KLK8: variants seen among roughly 807,000 people sequenced by gnomAD.
The protein encoded by KLK8 is kallikrein-8.
KLK8 carries 18 observed loss-of-function variants against 26.7 expected under a neutral mutation model. That is an observed-to-expected ratio of 0.67 (90% CI 0.47 to 1.00). KLK8 has a LOEUF of 1.00. KLK8 is among the 50% of genes least tolerant of loss of function. KLK8 has a pLI of 0.00. For missense variants in KLK8, 301 were observed against 331.7 expected, an observed-to-expected ratio of 0.91 and a Z score of 0.72; for synonymous variants, 137 against 127.1, an observed-to-expected ratio of 1.08 and a Z score of -0.52.
At chr19:51,001,106 G>T in exon 3 of KLK8, 1 of 1,612,146 alleles carries the variant, frequency 6.2e-7, no homozygotes. Context: ...ACCTGCCCAG[G>T]CTCCCCCCAG....
chr19:51,001,167 T>C, exon 3 of KLK8: 4 of 1,612,306 alleles, frequency 2.5e-6, no homozygotes, highest in Non-Finnish European at 3.4e-6. Context: ...GGGCGTCCCA[T>C]GGTGAGGTCT....
intron 6 of KLK8, among the ~76,000 whole-genome samples, chr19:50,996,559 C>G (rs2091169362): frequency 1.3e-5 from 2 of 151,866 alleles, no homozygotes; most frequent in Non-Finnish European, 2.9e-5. Context: ...ATGGTGAATC[C>G]CTGTCTCTAC....
chr19:51,000,030 G>A (rs753563073), exon 5 of KLK8: 6 of 1,607,770 alleles, frequency 3.7e-6, no homozygotes, highest in Non-Finnish European at 4.3e-6. Flanking sequence ...AGCCTGAGAC[G>A]GTGCACTTCT....
chr19:51,000,132 A>G (rs2122331448), exon 5 of KLK8: 1 of 1,614,054 alleles, frequency 6.2e-7, no homozygotes, highest in Non-Finnish European at 8.5e-7. Context: ...GCATCAGATC[A>G]TGGTTGTGGT....
intron 6 of KLK8, among the ~76,000 whole-genome samples, chr19:50,996,723 C>A (rs1244467660): frequency 1.7e-5 from 2 of 115,050 alleles, no homozygotes; most frequent in Non-Finnish European, 3.5e-5. Context: ...CAGAGCGAGA[C>A]CCTGTCTCAA....
intron 6 of KLK8, among the ~76,000 whole-genome samples, chr19:50,996,907 C>T (rs2091174658): frequency 6.7e-6 from 1 of 150,196 alleles, no homozygotes. Context: ...CACACACACA[C>T]ACACACACAC....
intron 4 of KLK8, 49 bp from the exon 4 acceptor site, chr19:51,000,307 G>A: frequency 3.2e-6 from 5 of 1,543,638 alleles, no homozygotes; most frequent in Non-Finnish European, 3.5e-6. Flanking sequence ...ATTGCCCCCA[G>A]CCCCCTCCTC....
intron 5 of KLK8, among the ~76,000 whole-genome samples, chr19:50,999,522 T>C (rs1247164017): frequency 7.3e-6 from 1 of 136,358 alleles, no homozygotes; most frequent in Non-Finnish European, 1.5e-5. Flanking sequence ...GAGATTGTAG[T>C]GAGCTGAGAT....
At chr19:50,997,693 T>A in intron 6 of KLK8, 58 bp downstream of exon 5, 9 of 1,598,904 alleles carry the variant, frequency 5.6e-6, no homozygotes, top group Non-Finnish European at 6.0e-6. Context: ...ATCCAAGCCT[T>A]GAACCTCGAG....
At chr19:51,000,866 C>G (rs2091217779) in intron 3 of KLK8, 1 of 881,744 alleles carries the variant, frequency 1.1e-6, no homozygotes, top group Non-Finnish European at 1.7e-6. Flanking sequence ...CCCCCAAAGG[C>G]TGTAGCTATT....
At chr19:50,999,668 G>GGCCTCT (rs2091202831) in intron 5 of KLK8, among the ~76,000 whole-genome samples, 2 of 142,934 alleles carry the variant, frequency 1.4e-5, no homozygotes, top group South Asian at 4.4e-4. Context: ...TGTTTTCCTG[G>GGCCTCT]GCCTCTGAGA....
chr19:51,000,373 C>A (rs774464929), intron 4 of KLK8, 51 bp downstream of exon 3: 1 of 1,556,966 alleles, frequency 6.4e-7, no homozygotes. Context: ...GAAACCCCAG[C>A]CCCCTCTTTC....
intron 6 of KLK8, among the ~76,000 whole-genome samples, chr19:50,996,929 CACACACA>C (rs779352646): frequency 0.06 from 8,979 of 149,890 alleles, 416 homozygotes; most frequent in African/African-American, 0.12. Flanking sequence ...CACACACACA[CACACACA>C]CACCATATCC....
chr19:51,000,042 GC>G lies in KLK8; in HGVS notation c.446del (p.Gly149AlafsTer28). On this transcript the variant is annotated frameshift_variant, in exon 5 of 7. Transcript: ENST00000600767. LOFTEE classifies it high-confidence loss of function. Reference sequence around the variant, plus strand: ...CCCAGCCTGAGACGGTGCACTTCTGGCCAGGCTGGGTGCAATGATCTGCCAG... The same window carrying G: ...CCCAGCCTGAGACGGTGCACTTCTGGCAGGCTGGGTGCAATGATCTGCCAG... 1 of 1,612,862 alleles carries G rather than the reference GC, an allele frequency of 6.2e-7. No homozygotes were observed. Among genetic ancestry groups the G allele is most frequent in the Non-Finnish European group, 8.5e-7 (1 of 1,179,038 alleles).
At chr19:50,996,936 A>ACACACACC (rs758809891) in intron 6 of KLK8, among the ~76,000 whole-genome samples, 3 of 59,258 alleles carry the variant, frequency 5.1e-5, no homozygotes, top group African/African-American at 1.6e-4. Context: ...ACACACACAC[A>ACACACACC]CACCATATCC....
chr19:50,996,079 T>A (rs1466020706), exon 7 of KLK8: 3 of 1,614,208 alleles, frequency 1.9e-6, no homozygotes, highest in Non-Finnish European at 2.5e-6. Flanking sequence ...CTGCCTATGA[T>A]CTTCTTGATC....
intron 2 of KLK8, 105 bp from the exon 2 acceptor site, chr19:51,001,280 C>A (rs2091223159): frequency 1.1e-6 from 1 of 896,154 alleles, no homozygotes; most frequent in South Asian, 1.5e-5. Flanking sequence ...TGGGGCTGTT[C>A]TGGGCTTCTC....
intron 5 of KLK8, 97 bp downstream of exon 4, chr19:50,999,899 T>C: frequency 2.3e-6 from 3 of 1,295,138 alleles, no homozygotes; most frequent in South Asian, 3.1e-5. Flanking sequence ...TTTCCCTTCT[T>C]TGTCTCCCTC....
rs1307836259 is a variant in KLK8 at position 51,000,416 on chromosome 19, C to G, written c.230+8G>C. ...CCCAGCTGACCTCTGCCCCCATCAT[C>G]CACTCACGGTTTTTTACAGTGGGCA... On this transcript the variant is annotated splice_region_variant and intron_variant, in intron 4 of 6. Coordinates refer to ENST00000600767, the Ensembl canonical transcript of KLK8. 2 of 1,598,780 alleles carry G rather than the reference C, an allele frequency of 1.3e-6. No homozygotes were observed. Among genetic ancestry groups the G allele is most frequent in the Non-Finnish European group, 1.7e-6 (2 of 1,170,434 alleles).
Sources: allele counts gnomAD v4.1 joint callset (sites outside exome capture counted in the v4.1 genomes callset), GRCh38; gene constraint gnomAD v4.1.1; transcripts MANE v1.5; gene names NCBI Gene and HGNC (gene_info 2026-07-23, HGNC 2026-07-21).